Variants in EFCAB7 observed in about 807,000 individuals in gnomAD.
The protein encoded by EFCAB7 is EF-hand calcium binding domain 7.
Under a neutral mutation model 77.1 loss-of-function variants are expected in EFCAB7, and 66 were observed. The ratio of observed to expected loss-of-function variants is 0.86; its 90% confidence interval spans 0.70 to 1.05. The LOEUF (loss-of-function observed/expected upper bound fraction) is 1.05, where lower values mean the gene tolerates loss of function less well. Among genes scored for constraint, EFCAB7 ranks in the 50% least tolerant of loss-of-function variants. The probability of loss-of-function intolerance (pLI) is 0.00; values close to 1 mark genes in which losing one functional copy is unlikely to be tolerated. For synonymous variants in EFCAB7, 225 were observed against 243.3 expected (o/e 0.92, Z 0.70); for missense variants, 638 against 730.5 (o/e 0.87, Z 1.46).
chr1:63,545,800 G>A (rs1258033073), intron 6 of EFCAB7, 116 bp from the exon 7 acceptor site: 6 of 856,750 alleles, frequency 7.0e-6, no homozygotes, highest in Admixed American at 2.5e-5. Context: ...CATTCCTGGA[G>A]AGCAATGATT....
intron 6 of EFCAB7, among the ~76,000 whole-genome samples, chr1:63,534,963 T>G (rs1189850347): frequency 6.6e-6 from 1 of 152,116 alleles, no homozygotes; most frequent in Admixed American, 6.6e-5. Context: ...TTGTTCAGAC[T>G]GTTTAGGAAT....
chr1:63,531,710 T>C, intron 2 of EFCAB7, 110 bp from the exon 3 acceptor site: 1 of 934,036 alleles, frequency 1.1e-6, no homozygotes. Context: ...TACTGGTATA[T>C]GTATAGTGTT....
the EFCAB7 span, among the ~76,000 whole-genome samples, chr1:63,580,355 T>G: frequency 2.6e-5 from 4 of 152,182 alleles, no homozygotes; most frequent in Non-Finnish European, 4.4e-5. Flanking sequence ...TGTACCTTTG[T>G]TGAAAAATTC....
rs572488633 is a variant in EFCAB7 at position 63,525,758 on chromosome 1, A to T, written c.186A>T (p.Leu62Phe). Residue 62 changes from leucine (L) to phenylalanine (F), a missense_variant and splice_region_variant, in exon 2 of 14, where the codon TTA (leucine) becomes TTT (phenylalanine). Transcript: ENST00000371088. The stretch of plus-strand genomic sequence containing the variant: ...TTATTTCTAAAGATCAACTTTACTT[A>T]GGTAAATTTTTAAAATTTTTAAATC... ...ENIISKDQLY[L>F]ALQHAGRNPS... The T allele has an allele frequency of 1.5e-5, 24 of 1,553,768 alleles. No homozygotes were observed. In the South Asian group the frequency reaches 3.0e-4, roughly 19 times the overall value.
Position 63,571,093 on chromosome 1 carries a change from A to T in EFCAB7, c.1780A>T (p.Ile594Leu). 1 of 1,611,652 alleles carries T rather than the reference A, an allele frequency of 6.2e-7. No individual in the cohort carries two copies. The highest frequency in any genetic ancestry group is 8.5e-7 in the Non-Finnish European group (1 of 1,178,826). Reference sequence around the variant, plus strand: ...CTGCATAAACAACAGAGGACTCAACATATTTGCAGTAGAAGTGGGACCCAA... The same window carrying T: ...CTGCATAAACAACAGAGGACTCAACTTATTTGCAGTAGAAGTGGGACCCAA... ...KNCINNRGLN[I>L]FAVEVGPKST... The change falls in exon 13 of 14, where the codon ATA becomes TTA. Residue 594 changes from isoleucine (I) to leucine (L), a missense_variant. Transcript: ENST00000371088.
intron 6 of EFCAB7, among the ~76,000 whole-genome samples, chr1:63,543,975 T>C (rs1646861409): frequency 6.8e-6 from 1 of 147,816 alleles, no homozygotes; most frequent in African/African-American, 2.5e-5. Flanking sequence ...TTTTTTCTTT[T>C]TTTTTTTTTT....
chr1:63,537,046 C>A (rs1646771801), intron 6 of EFCAB7, among the ~76,000 whole-genome samples: 1 of 152,148 alleles, frequency 6.6e-6, no homozygotes, highest in Non-Finnish European at 1.5e-5. Flanking sequence ...CACAAAACCA[C>A]ACAATTGGTA....
chr1:63,551,930 A>G (rs1646970524), intron 8 of EFCAB7, 96 bp downstream of exon 8: 1 of 587,924 alleles, frequency 1.7e-6, no homozygotes, highest in Non-Finnish European at 2.6e-6. Flanking sequence ...TTAAGCTTTC[A>G]TATACCTTCC....
At position 63,531,876 on chromosome 1, in the gene EFCAB7, C is replaced by T; in HGVS notation, c.244C>T (p.Pro82Ser). The T allele has an allele frequency of 6.2e-7, 1 of 1,613,248 alleles. No homozygotes were observed. Among genetic ancestry groups the T allele is most frequent in the South Asian group, 1.1e-5 (1 of 90,986 alleles). ...SQKTINKYWT[P>S]QTAKLNFDDF... ...AAAGACCATTAATAAGTATTGGACTCCTCAAACTGCCAAACTGAATTTTGA... is the reference window on the plus strand; with the variant it reads ...AAAGACCATTAATAAGTATTGGACTTCTCAAACTGCCAAACTGAATTTTGA... The change falls in exon 3 of 14, where the codon CCT becomes TCT. Residue 82 changes from proline to serine, a missense_variant. Pro to Ser is a moderately conservative substitution (Grantham distance 74). Coordinates refer to ENST00000371088, the MANE Select transcript of EFCAB7 (RefSeq NM_032437.4).
rs548009477 is a variant in EFCAB7 at position 63,539,244 on chromosome 1, A to C, written c.804+5028A>C. 2.0e-5 allele frequency among the ~76,000 whole-genome samples: 3 copies of C among 152,334 alleles called. No homozygotes were observed. The South Asian group carries it at 6.2e-4, about 32-fold the overall frequency. ...TATGTTTACTACCAGTGTACCAGGC[A>C]AAGTACATTATCTTTTAAAGCTTAA... On this transcript the variant is annotated intron_variant, in intron 6 of 13. Transcript: ENST00000371088.
At chr1:63,559,844 G>A (rs928890752) in intron 10 of EFCAB7, among the ~76,000 whole-genome samples, 5 of 151,994 alleles carry the variant, frequency 3.3e-5, no homozygotes, top group African/African-American at 9.7e-5. Flanking sequence ...TATTTATGTC[G>A]GTCTATTTCT....
chr1:63,584,333 T>C, the EFCAB7 span, among the ~76,000 whole-genome samples: 2 of 152,092 alleles, frequency 1.3e-5, no homozygotes, highest in African/African-American at 4.8e-5. Flanking sequence ...GGTGGAAGGA[T>C]TGCTTGAGGA....
chr1:63,571,649 G>A (rs548667543), intron 13 of EFCAB7, among the ~76,000 whole-genome samples: 70 of 119,614 alleles, frequency 5.9e-4, no homozygotes, highest in Admixed American at 7.8e-4. Flanking sequence ...CAGCCTGAGC[G>A]ACAAGAGTGA....
At chr1:63,546,209 C>T in intron 7 of EFCAB7, 152 bp downstream of exon 7, 1 of 798,744 alleles carries the variant, frequency 1.3e-6, no homozygotes, top group Non-Finnish European at 1.9e-6. Context: ...TTGGCTTATA[C>T]ATGAACTGTG....
intron 12 of EFCAB7, chr1:63,570,099 T>C (rs956157890): frequency 1.3e-5 from 2 of 152,170 alleles, no homozygotes; most frequent in Non-Finnish European, 2.9e-5. Context: ...ATGACATAAG[T>C]GCTATTCTCA....
chr1:63,564,864 A>C (rs928114463), intron 11 of EFCAB7, among the ~76,000 whole-genome samples: 15 of 152,228 alleles, frequency 9.9e-5, no homozygotes, highest in Non-Finnish European at 4.4e-5. Context: ...AAGAACAAAC[A>C]TATAGACCAA....
At chr1:63,544,120 C>T (rs1646865695) in intron 6 of EFCAB7, among the ~76,000 whole-genome samples, 1 of 151,616 alleles carries the variant, frequency 6.6e-6, no homozygotes. Context: ...CAGGTGTGCG[C>T]CACCACGCCC....
the EFCAB7 span, among the ~76,000 whole-genome samples, chr1:63,578,952 A>AT: frequency 1.3e-5 from 2 of 151,992 alleles, no homozygotes; most frequent in Non-Finnish European, 2.9e-5. Flanking sequence ...GAAACCTTTA[A>AT]TTTTTTTCTC....
In EFCAB7 at chr1:63,572,530, G is replaced by T; in HGVS notation, c.*14G>T. 1.4e-6 allele frequency: 2 copies of T among 1,422,358 alleles called. No individual in the cohort carries two copies. The highest frequency in any genetic ancestry group is 1.4e-5 in the South Asian group (1 of 70,978). The allele number at this position is 1,422,358 out of a possible 1,614,324, so 88.1% of individuals were successfully genotyped here. A position where few individuals can be genotyped will look rare whatever the true frequency, so the allele number is the denominator to read the frequency against. On this transcript the variant is annotated 3_prime_UTR_variant, in exon 14 of 14. Coordinates refer to ENST00000371088, the MANE Select transcript of EFCAB7 (RefSeq NM_032437.4). ...CTTATTTCTTAAATAATTATACTTAGAACTTACCAAACTAAGAATTATTTC... is the reference window on the plus strand; with the variant it reads ...CTTATTTCTTAAATAATTATACTTATAACTTACCAAACTAAGAATTATTTC...
Sources: gnomAD v4.1 joint callset for allele counts (sites outside exome capture counted in the v4.1 genomes callset) on GRCh38, gnomAD v4.1.1 for gene constraint, MANE v1.5 for transcripts, NCBI Gene and HGNC (gene_info 2026-07-23, HGNC 2026-07-21) for gene names.